Variants in ADSS2 observed in about 807,000 individuals in gnomAD.
ADSS2 encodes the protein adenylosuccinate synthetase isozyme 2.
In ADSS2, 30 loss-of-function variants were observed where a neutral mutation model predicts 60.0. The ratio of observed to expected loss-of-function variants is 0.50; its 90% CI spans 0.37 to 0.68. The LOEUF is 0.68. Among genes scored for constraint, ADSS2 ranks in the 30% least tolerant of loss-of-function variants. The pLI is 0.00. For missense variants in ADSS2, 373 were observed against 554.8 expected (o/e 0.67, Z 3.29); for synonymous variants, 187 against 193.1 (o/e 0.97, Z 0.26).
chr1:244,444,890 C>T (rs1347288998), intron 1 of ADSS2, among the ~76,000 whole-genome samples: 1 of 152,102 alleles, frequency 6.6e-6, no homozygotes, highest in Admixed American at 6.5e-5. Context: ...TTTTCCTATA[C>T]AAAATTAACT....
chr1:244,436,748 GT>G, intron 3 of ADSS2, 76 bp downstream of exon 3: 6 of 1,258,240 alleles, frequency 4.8e-6, no homozygotes, highest in Non-Finnish European at 6.8e-6. Context: ...AGACAAACAT[GT>G]TGTTCGTCTG....
intron 3 of ADSS2, among the ~76,000 whole-genome samples, chr1:244,433,035 G>A (rs1664988017): frequency 6.6e-6 from 1 of 152,018 alleles, no homozygotes; most frequent in South Asian, 2.1e-4. Flanking sequence ...CCAGGGGTTC[G>A]AGACCAGCCT....
chr1:244,426,359 C>T (rs1287757562), intron 4 of ADSS2, among the ~76,000 whole-genome samples: 1 of 152,100 alleles, frequency 6.6e-6, no homozygotes, highest in African/African-American at 2.4e-5. Flanking sequence ...TAATTTAGTA[C>T]CTTGTCATAG....
intron 4 of ADSS2, chr1:244,424,604 C>G: frequency 2.7e-6 from 1 of 374,818 alleles, no homozygotes; most frequent in South Asian, 5.3e-5. Flanking sequence ...GCAGTCTATA[C>G]TATTTTAAAA....
chr1:244,448,898 T>C (rs772467398), intron 1 of ADSS2, among the ~76,000 whole-genome samples: 1 of 152,212 alleles, frequency 6.6e-6, no homozygotes, highest in East Asian at 1.9e-4. Flanking sequence ...TTTCAGATTT[T>C]TGACTCCCAG....
intron 3 of ADSS2, among the ~76,000 whole-genome samples, chr1:244,436,150 G>A (rs12045642): frequency 0.066 from 10,021 of 152,188 alleles, 786 homozygotes; most frequent in East Asian, 0.42. Flanking sequence ...TTCCACTTGT[G>A]GTGTCATGTC....
chr1:244,419,151 TAC>T (rs1251489422), intron 8 of ADSS2: 5 of 373,718 alleles, frequency 1.3e-5, no homozygotes, highest in African/African-American at 8.4e-5. Flanking sequence ...TGAATGCATG[TAC>T]AGTTACTGAC....
intron 1 of ADSS2, among the ~76,000 whole-genome samples, chr1:244,444,578 C>G (rs1055148588): frequency 2.1e-5 from 3 of 145,380 alleles, no homozygotes; most frequent in African/African-American, 7.6e-5. Context: ...TCTTAATTAC[C>G]AGGAAAAAAT....
intron 1 of ADSS2, among the ~76,000 whole-genome samples, chr1:244,448,791 AC>A (rs1445057968): frequency 6.6e-6 from 1 of 152,164 alleles, no homozygotes; most frequent in African/African-American, 2.4e-5. Context: ...AACGTATTAG[AC>A]TAGTACCTTT....
At chr1:244,429,656 G>C (rs556118993) in intron 4 of ADSS2, among the ~76,000 whole-genome samples, 1 of 152,260 alleles carries the variant, frequency 6.6e-6, no homozygotes, top group South Asian at 2.1e-4. Flanking sequence ...AGGTCAGGTG[G>C]ATCATTTGAG....
intron 4 of ADSS2, among the ~76,000 whole-genome samples, chr1:244,425,762 T>G (rs1664789505): frequency 6.6e-6 from 1 of 152,180 alleles, no homozygotes; most frequent in Non-Finnish European, 1.5e-5. Flanking sequence ...TTAGTTATAT[T>G]TCAGAAGCTA....
At chr1:244,444,779 T>A (rs1211425656) in intron 1 of ADSS2, among the ~76,000 whole-genome samples, 1 of 152,164 alleles carries the variant, frequency 6.6e-6, no homozygotes, top group Non-Finnish European at 1.5e-5. Flanking sequence ...TTAACTCTAT[T>A]TTTTGTTCCA....
At chr1:244,435,094 C>T (rs574689247) in intron 3 of ADSS2, among the ~76,000 whole-genome samples, 5 of 136,494 alleles carry the variant, frequency 3.7e-5, no homozygotes, top group Admixed American at 1.8e-4. Flanking sequence ...CTTGGACCCA[C>T]GAAGCAGAAG....
chr1:244,422,836 T>C lies in ADSS2; in HGVS notation c.662A>G (p.Lys221Arg). The C allele has an allele frequency of 6.3e-7, 1 of 1,583,726 alleles. No individual in the cohort carries two copies. The highest frequency in any genetic ancestry group is 8.7e-7 in the Non-Finnish European group (1 of 1,153,224). ...ATTAAAGATGCCAGAAAGCATTACCTTGAGTTTTTGTAATTCACCTTCAAT... is the reference window on the plus strand; with the variant it reads ...ATTAAAGATGCCAGAAAGCATTACCCTGAGTTTTTGTAATTCACCTTCAAT... ...IDIEGELQKLKGYMEKIKPMV... is the reference protein window; with the variant it reads ...IDIEGELQKLRGYMEKIKPMV... The change falls in exon 7 of 13, where the codon AAG (lysine) becomes AGG (arginine). Residue 221 changes from lysine (K) to arginine (R), a missense_variant and splice_region_variant. Around this residue, in one of 5 missense-constraint regions of ADSS2, gnomAD observed 139 missense variants for 189.4 expected, o/e 0.73. Transcript: ENST00000366535.
At chr1:244,435,644 TCTCTTCCTCCTCCATCCTC>T (rs1281822152) in intron 3 of ADSS2, among the ~76,000 whole-genome samples, 1 of 150,952 alleles carries the variant, frequency 6.6e-6, no homozygotes, top group African/African-American at 2.4e-5. Flanking sequence ...CCTCCATCCT[TCTCTTCCTCCTCCATCCTC>T]CTCTTCCTCC....
intron 1 of ADSS2, among the ~76,000 whole-genome samples, chr1:244,443,026 TG>T (rs968360495): frequency 6.6e-6 from 1 of 152,144 alleles, no homozygotes; most frequent in African/African-American, 2.4e-5. Flanking sequence ...TGCTCCTACA[TG>T]GGCCCATGGG....
intron 12 of ADSS2, among the ~76,000 whole-genome samples, chr1:244,410,080 T>C (rs1664378183): frequency 1.3e-5 from 2 of 152,208 alleles, no homozygotes; most frequent in Admixed American, 1.3e-4. Flanking sequence ...TGGTTTCAGA[T>C]TATTTGCAGA....
intron 1 of ADSS2, among the ~76,000 whole-genome samples, chr1:244,438,381 T>C (rs1231446752): frequency 6.6e-6 from 1 of 152,166 alleles, no homozygotes; most frequent in African/African-American, 2.4e-5. Flanking sequence ...TAAAGTAATA[T>C]CCTGGCTCAA....
At chr1:244,415,942 C>T (rs753445114) in intron 11 of ADSS2, 39 bp downstream of exon 11, 24 of 1,416,616 alleles carry the variant, frequency 1.7e-5, no homozygotes, top group Non-Finnish European at 2.0e-5. Context: ...AATACATTCA[C>T]CTTATAATAT....
Sources: allele counts gnomAD v4.1 joint callset (sites outside exome capture counted in the v4.1 genomes callset), GRCh38; gene constraint gnomAD v4.1.1; regional missense constraint gnomAD v4.1.1; transcripts MANE v1.5; gene names NCBI Gene and HGNC (gene_info 2026-07-23, HGNC 2026-07-21).